Variants in SHANK2 observed in about 807,000 individuals in gnomAD.
The protein encoded by SHANK2 is SH3 and multiple ankyrin repeat domains protein 2.
In SHANK2, 43 loss-of-function variants were observed where a neutral mutation model predicts 133.7. That is an observed-to-expected ratio of 0.32 (90% confidence interval 0.25 to 0.41). The LOEUF is 0.41. Among genes scored for constraint, SHANK2 ranks in the 10% least tolerant of loss-of-function variants. The pLI, the probability that SHANK2 is intolerant of heterozygous loss-of-function variation, is 1.00. For missense variants in SHANK2, 1,994 were observed against 2,235.8 expected, an observed-to-expected ratio of 0.89 and a Z score of 2.18; for synonymous variants, 1,017 against 952.8, an observed-to-expected ratio of 1.07 and a Z score of -1.24.
chr11:70,532,200 C>G (rs1202068701), intron 17 of SHANK2, among the ~76,000 whole-genome samples: 3 of 152,146 alleles, frequency 2.0e-5, no homozygotes, highest in African/African-American at 7.2e-5. Context: ...TTCTCAGGAA[C>G]ATGTCAGTTC....
intron 17 of SHANK2, among the ~76,000 whole-genome samples, chr11:70,622,347 AC>A (rs1298944062): frequency 6.6e-6 from 1 of 151,242 alleles, no homozygotes; most frequent in Non-Finnish European, 1.5e-5. Flanking sequence ...GTGCCCCAAA[AC>A]CACCCCCAGC....
At chr11:71,133,566 AG>A (rs1437818051) in intron 3 of SHANK2, among the ~76,000 whole-genome samples, 3 of 92,476 alleles carry the variant, frequency 3.2e-5, no homozygotes, top group Non-Finnish European at 6.7e-5. Context: ...GAGTGAGTGG[AG>A]GGGGGATGTG....
chr11:70,751,619 T>C (rs1208083992), intron 14 of SHANK2, among the ~76,000 whole-genome samples: 1 of 152,214 alleles, frequency 6.6e-6, no homozygotes, highest in Non-Finnish European at 1.5e-5. Flanking sequence ...TAGACTATAC[T>C]TCACTTCTTA....
chr11:70,746,112 T>C (rs1290083168), intron 14 of SHANK2, among the ~76,000 whole-genome samples: 2 of 152,156 alleles, frequency 1.3e-5, no homozygotes, highest in Non-Finnish European at 2.9e-5. Context: ...GGTCAGAATC[T>C]CACACCCACG....
chr11:70,921,207 A>G (rs545441769), intron 10 of SHANK2, among the ~76,000 whole-genome samples: 1 of 152,338 alleles, frequency 6.6e-6, no homozygotes, highest in Non-Finnish European at 1.5e-5. Context: ...AACAAAAGAC[A>G]ACAGTAAACA....
intron 23 of SHANK2, chr11:70,489,767 A>G (rs1364003471): frequency 6.9e-6 from 2 of 289,024 alleles, no homozygotes; most frequent in African/African-American, 4.3e-5. Context: ...CAATAGGAAT[A>G]ATTGTGACAT....
At chr11:70,740,208 C>T (rs782030899) in intron 14 of SHANK2, among the ~76,000 whole-genome samples, 8 of 152,168 alleles carry the variant, frequency 5.3e-5, no homozygotes, top group Non-Finnish European at 1.2e-4. Context: ...CAGGTGCTCA[C>T]TGGACACAGG....
At chr11:70,793,007 G>C (rs1591851254) in intron 14 of SHANK2, among the ~76,000 whole-genome samples, 1 of 152,244 alleles carries the variant, frequency 6.6e-6, no homozygotes, top group East Asian at 1.9e-4. Flanking sequence ...AATGAGCCCT[G>C]ATGGCACCAC....
intron 17 of SHANK2, among the ~76,000 whole-genome samples, chr11:70,649,440 A>C (rs1371560135): frequency 6.6e-6 from 1 of 152,042 alleles, no homozygotes; most frequent in Non-Finnish European, 1.5e-5. Context: ...GCGCACACAC[A>C]CCCTAATTCC....
chr11:71,066,801 G>T (rs956780534), intron 9 of SHANK2, among the ~76,000 whole-genome samples: 7,743 of 152,204 alleles, frequency 0.051, 653 homozygotes, highest in African/African-American at 0.18. Flanking sequence ...TTGGGACAGG[G>T]CTGGAACCTG....
intron 3 of SHANK2, among the ~76,000 whole-genome samples, chr11:71,125,764 G>A (rs1590936393): frequency 6.6e-6 from 1 of 152,210 alleles, no homozygotes; most frequent in Non-Finnish European, 1.5e-5. Flanking sequence ...ATTGAAAGAA[G>A]ATGGCATCTA....
chr11:70,473,690 G>A lies in SHANK2; in HGVS notation c.4980-251C>T. On this transcript the variant is annotated intron_variant, in intron 25 of 25. Coordinates refer to ENST00000601538, the MANE Select transcript of SHANK2 (RefSeq NM_012309.5). This position sits in a 1 kb window ranked among gnomAD's most constrained non-coding sequence, Gnocchi z 5.9. The stretch of plus-strand genomic sequence containing the variant: ...ACCTGAACTGGGACAGAGGGGCTGG[G>A]GGACCTGCCTGTGCTGGGGGGAGCA... 1 of 588,460 alleles carries A rather than the reference G, an allele frequency of 1.7e-6. No individual in the cohort carries two copies. Among genetic ancestry groups the A allele is most frequent in the South Asian group, 1.8e-5 (1 of 55,840 alleles). 36.5% of individuals were successfully genotyped at this position (588,460 alleles called of 1,614,324 possible).
intron 2 of SHANK2, among the ~76,000 whole-genome samples, chr11:71,155,076 CGG>C (rs1590968047): frequency 1.3e-4 from 17 of 126,296 alleles, no homozygotes; most frequent in Non-Finnish European, 1.0e-4. Flanking sequence ...CCCACGCTCC[CGG>C]AGGAGGGGTG....
At chr11:70,564,000 T>C (rs2059938740) in intron 17 of SHANK2, among the ~76,000 whole-genome samples, 1 of 152,266 alleles carries the variant, frequency 6.6e-6, no homozygotes. Flanking sequence ...CTTCTGACAC[T>C]ATGCCTGCTG....
chr11:70,744,970 C>A (rs922599393), intron 14 of SHANK2, among the ~76,000 whole-genome samples: 17 of 152,234 alleles, frequency 1.1e-4, no homozygotes, highest in African/African-American at 3.9e-4. Context: ...AGAGTGAAGG[C>A]ACAAGAGGAC....
At chr11:70,505,002 G>C (rs1437248854) in intron 17 of SHANK2, among the ~76,000 whole-genome samples, 3 of 152,184 alleles carry the variant, frequency 2.0e-5, no homozygotes, top group Non-Finnish European at 2.9e-5. Flanking sequence ...CAGTTCAGCT[G>C]TCTCTGCCTC....
At chr11:70,795,255 A>T (rs1947881550) in intron 14 of SHANK2, among the ~76,000 whole-genome samples, 1 of 152,178 alleles carries the variant, frequency 6.6e-6, no homozygotes. Context: ...CCTAATCCCT[A>T]GAACCTGTGA....
chr11:70,820,947 G>T (rs1303302048), intron 11 of SHANK2, among the ~76,000 whole-genome samples: 1 of 152,148 alleles, frequency 6.6e-6, no homozygotes, highest in Non-Finnish European at 1.5e-5. Flanking sequence ...TGGAAGGGAC[G>T]TGGGGTCTGA....
At chr11:70,869,397 T>C (rs2135534152) in intron 11 of SHANK2, among the ~76,000 whole-genome samples, 1 of 152,290 alleles carries the variant, frequency 6.6e-6, no homozygotes, top group East Asian at 1.9e-4. Context: ...GATGCACCGA[T>C]CGGCACGTTA....
Sources: gnomAD v4.1 joint callset for allele counts (sites outside exome capture counted in the v4.1 genomes callset) on GRCh38, gnomAD v4.1.1 for gene constraint, Gnocchi (gnomAD v3.1) non-coding constraint, MANE v1.5 for transcripts, NCBI Gene and HGNC (gene_info 2026-07-23, HGNC 2026-07-21) for gene names.